Variants in HHAT observed in about 807,000 individuals in gnomAD.
HHAT encodes the protein protein-cysteine N-palmitoyltransferase HHAT.
In HHAT, 47 loss-of-function variants were observed where a neutral mutation model predicts 70.8. The ratio of observed to expected loss-of-function variants is 0.66; its 90% CI spans 0.53 to 0.85. The LOEUF is 0.85. Among genes scored for constraint, HHAT ranks in the 40% least tolerant of loss-of-function variants. HHAT has a pLI of 0.00. For synonymous variants in HHAT, 228 were observed against 247.6 expected, an observed-to-expected ratio of 0.92 and a Z score of 0.74; for missense variants, 609 against 604.8, an observed-to-expected ratio of 1.01 and a Z score of -0.07.
chr1:210,463,780 G>A (rs921636166), intron 7 of HHAT, among the ~76,000 whole-genome samples: 1 of 152,202 alleles, frequency 6.6e-6, no homozygotes, highest in Non-Finnish European at 1.5e-5. Flanking sequence ...AGCTGTGCCT[G>A]GTGGTTCCAG....
intron 3 of HHAT, chr1:210,374,109 C>G (rs531858946): frequency 3.4e-5 from 5 of 149,056 alleles, no homozygotes; most frequent in East Asian, 3.9e-4. Context: ...CCTAAAGTTG[C>G]ACCATAATGT....
Position 210,459,681 on chromosome 1 carries a change from A to G in HHAT, c.857-4824A>G, listed in dbSNP as rs181745928. Among the ~76,000 whole-genome samples, 141 of 152,318 alleles carry G rather than the reference A, an allele frequency of 9.3e-4. 1 individual carries two copies. Among genetic ancestry groups the G allele is most frequent in the African/African-American group, 3.2e-3 (134 of 41,574 alleles). On this transcript the variant is annotated intron_variant, in intron 7 of 11. Transcript: ENST00000261458. The stretch of plus-strand genomic sequence containing the variant: ...GAAGACCACCCCAACTCTCCTTTTA[A>G]AAAGGGCAGCATCTGCCACCTCAAC...
intron 9 of HHAT, among the ~76,000 whole-genome samples, chr1:210,569,399 A>AAAAAAAAAAAAAAAAAAAAAAAAAG (rs1558182185): frequency 6.7e-6 from 1 of 148,368 alleles, no homozygotes; most frequent in East Asian, 1.9e-4. Flanking sequence ...AAAAAAAAAA[A>AAAAAAAAAAAAAAAAAAAAAAAAAG]GCGTATAGCA....
chr1:210,615,931 G>C (rs1667629114), intron 10 of HHAT, among the ~76,000 whole-genome samples: 1 of 152,150 alleles, frequency 6.6e-6, no homozygotes, highest in Non-Finnish European at 1.5e-5. Context: ...ATCTCAAGCT[G>C]CGTGCTGGGA....
At chr1:210,503,964 A>G (rs531689428) in intron 8 of HHAT, among the ~76,000 whole-genome samples, 3 of 152,346 alleles carry the variant, frequency 2.0e-5, no homozygotes, top group South Asian at 2.1e-4. Context: ...GGGTTAAGCA[A>G]AGATGTCTTA....
chr1:210,340,241 A>AG (rs142468999), intron 1 of HHAT, among the ~76,000 whole-genome samples: 13 of 49,172 alleles, frequency 2.6e-4, no homozygotes, highest in Middle Eastern at 7.5e-3. Flanking sequence ...ACTCTGTCTC[A>AG]GAAAAAAAAA....
At chr1:210,436,992 G>C (rs1215874608) in intron 7 of HHAT, among the ~76,000 whole-genome samples, 3 of 151,808 alleles carry the variant, frequency 2.0e-5, no homozygotes, top group Non-Finnish European at 4.4e-5. Context: ...CAGAGTTTCA[G>C]GGATGGGAAG....
intron 7 of HHAT, among the ~76,000 whole-genome samples, chr1:210,434,897 G>A (rs1401246870): frequency 2.0e-5 from 3 of 151,750 alleles, no homozygotes; most frequent in African/African-American, 4.9e-5. Flanking sequence ...TACATATTTT[G>A]GGGGTATATG....
intron 8 of HHAT, among the ~76,000 whole-genome samples, chr1:210,495,976 A>T (rs980400187): frequency 1.5e-5 from 2 of 132,632 alleles, no homozygotes; most frequent in African/African-American, 5.8e-5. Context: ...ACACCACTGC[A>T]TTCCAGCCTG....
chr1:210,523,779 C>G (rs924527858), intron 9 of HHAT, among the ~76,000 whole-genome samples: 2 of 151,988 alleles, frequency 1.3e-5, no homozygotes, highest in African/African-American at 4.8e-5. Flanking sequence ...GACTTAGTAA[C>G]CGTCTAATTT....
rs1450342779 is a variant in HHAT at position 210,428,411 on chromosome 1, T to G, written c.856+10086T>G. On this transcript the variant is annotated intron_variant, in intron 7 of 11. Transcript: ENST00000261458. ...ATCCTTTCACATTACTAAATTTTCG[T>G]TCTTGTTTGATACCCAGACAGTAAT... 2.0e-5 allele frequency among the ~76,000 whole-genome samples: 3 copies of G among 148,956 alleles called. No individual in the cohort carries two copies. The East Asian group carries it at 6.0e-4, about 30-fold the overall frequency.
At chr1:210,358,658 A>G (rs1005201679) in intron 2 of HHAT, among the ~76,000 whole-genome samples, 21 of 152,224 alleles carry the variant, frequency 1.4e-4, no homozygotes, top group African/African-American at 5.1e-4. Context: ...TTCCTGGAGA[A>G]ATAATCAGTA....
chr1:210,529,659 C>T (rs1425832539), intron 9 of HHAT, among the ~76,000 whole-genome samples: 1 of 152,128 alleles, frequency 6.6e-6, no homozygotes, highest in African/African-American at 2.4e-5. Flanking sequence ...AGAAGAGCAT[C>T]GTGGGAATGA....
intron 3 of HHAT, among the ~76,000 whole-genome samples, chr1:210,379,418 AGTC>A (rs1344030173): frequency 1.3e-5 from 2 of 152,244 alleles, no homozygotes; most frequent in East Asian, 3.8e-4. Context: ...AGGAGTAAAT[AGTC>A]ATGGTTGAGT....
At chr1:210,331,680 C>T (rs955493355) in intron 1 of HHAT, among the ~76,000 whole-genome samples, 1 of 152,186 alleles carries the variant, frequency 6.6e-6, no homozygotes, top group African/African-American at 2.4e-5. Context: ...GGCTTAGTCT[C>T]TTTCAAAATC....
intron 11 of HHAT, chr1:210,630,968 C>T (rs1450197393): frequency 9.0e-6 from 4 of 443,228 alleles, no homozygotes; most frequent in Non-Finnish European, 1.8e-5. Context: ...TGCCTGAAGC[C>T]AACATATCTT....
intron 8 of HHAT, among the ~76,000 whole-genome samples, chr1:210,485,830 T>C (rs2148499074): frequency 6.6e-6 from 1 of 152,158 alleles, no homozygotes; most frequent in East Asian, 1.9e-4. Flanking sequence ...CCTCCCACAA[T>C]ACATGGAAAT....
chr1:210,559,967 G>T (rs1040486443), intron 9 of HHAT, among the ~76,000 whole-genome samples: 2 of 151,358 alleles, frequency 1.3e-5, no homozygotes, highest in South Asian at 4.1e-4. Context: ...AGTGCCAGGG[G>T]ATTGGAGGCT....
intron 7 of HHAT, among the ~76,000 whole-genome samples, chr1:210,441,810 ATATG>A (rs1434608635): frequency 6.6e-6 from 1 of 151,872 alleles, no homozygotes; most frequent in African/African-American, 2.4e-5. Flanking sequence ...AAACATGTGT[ATATG>A]TATATATATG....
Sources: gnomAD v4.1 joint callset for allele counts (sites outside exome capture counted in the v4.1 genomes callset) on GRCh38, gnomAD v4.1.1 for gene constraint, MANE v1.5 for transcripts, NCBI Gene and HGNC (gene_info 2026-07-23, HGNC 2026-07-21) for gene names.